TMEM132B: variants seen among roughly 807,000 people sequenced by gnomAD.
The protein encoded by TMEM132B is transmembrane protein 132B.
In TMEM132B, 18 loss-of-function variants were observed where a neutral mutation model predicts 90.8. That is an observed-to-expected ratio of 0.20 (90% CI 0.14 to 0.29). TMEM132B has a LOEUF of 0.29. Among genes scored for constraint, TMEM132B ranks in the 10% least tolerant of loss-of-function variants. The probability of loss-of-function intolerance (pLI) is 1.00; values close to 1 mark genes in which losing one functional copy is unlikely to be tolerated. For missense variants in TMEM132B, 1,096 were observed against 1,326.8 expected, an observed-to-expected ratio of 0.83 and a Z score of 2.70; for synonymous variants, 504 against 523.3, an observed-to-expected ratio of 0.96 and a Z score of 0.50.
chr12:125,206,232 TTTTG>T (rs892323225), intron 1 of TMEM132B, among the ~76,000 whole-genome samples: 6 of 151,998 alleles, frequency 3.9e-5, no homozygotes, highest in East Asian at 1.9e-4. Context: ...GCCTATGATT[TTTTG>T]TTTGTTTGTT....
chr12:125,338,713 G>A lies in TMEM132B; in HGVS notation c.68-10739G>A, dbSNP rs115656898. Among the ~76,000 whole-genome samples, 774 of 152,238 alleles carry A rather than the reference G, an allele frequency of 5.1e-3. 5 individuals are homozygous for A. Among genetic ancestry groups the A allele is most frequent in the African/African-American group, 0.017 (715 of 41,552 alleles). ...GGTCTGAGGTTTCCTCTGCTGTCCT[G>A]CCCATCAGCACACTTTTATCCGCTT... On this transcript the variant is annotated intron_variant, in intron 1 of 8. Coordinates refer to ENST00000682704, the MANE Select transcript of TMEM132B (RefSeq NM_001366854.1).
At chr12:125,375,467 A>G (rs1878446488) in intron 2 of TMEM132B, among the ~76,000 whole-genome samples, 1 of 152,246 alleles carries the variant, frequency 6.6e-6, no homozygotes. Context: ...ATGTATAGCT[A>G]GTCATGGAGT....
At chr12:125,298,972 A>G (rs1875743254) in intron 1 of TMEM132B, among the ~76,000 whole-genome samples, 1 of 151,922 alleles carries the variant, frequency 6.6e-6, no homozygotes, top group South Asian at 2.1e-4. Context: ...TGACCTCGTG[A>G]TCTGCCTGCC....
chr12:125,551,213 A>G (rs557879421), intron 4 of TMEM132B, among the ~76,000 whole-genome samples: 13 of 152,330 alleles, frequency 8.5e-5, no homozygotes, highest in South Asian at 2.1e-4. Flanking sequence ...TATATTTTTC[A>G]TACTTAATTC....
chr12:125,372,316 G>A (rs1301341319), intron 2 of TMEM132B, among the ~76,000 whole-genome samples: 2 of 152,246 alleles, frequency 1.3e-5, no homozygotes, highest in Non-Finnish European at 2.9e-5. Flanking sequence ...TATCCCTTGA[G>A]TGGAATTAAA....
At chr12:125,335,241 A>G (rs1446265979) in intron 1 of TMEM132B, among the ~76,000 whole-genome samples, 2 of 152,182 alleles carry the variant, frequency 1.3e-5, no homozygotes, top group Non-Finnish European at 2.9e-5. Context: ...GCAGGAAGAA[A>G]TCAGTACTGA....
chr12:125,213,072 G>A lies in TMEM132B; in HGVS notation c.67+26206G>A, dbSNP rs1436905392. The stretch of plus-strand genomic sequence containing the variant: ...AAATGGAAGTCCCGTACCCACTAGC[G>A]GTCACTCCCTACTGCCTTCAACCCC... On this transcript the variant is annotated intron_variant, in intron 1 of 8. Coordinates refer to ENST00000682704, the MANE Select transcript of TMEM132B (RefSeq NM_001366854.1). The surrounding 1 kb of genome is among the most constrained non-coding windows in gnomAD (Gnocchi z 4.2). Among the ~76,000 whole-genome samples, 5 of 152,068 alleles carry A rather than the reference G, an allele frequency of 3.3e-5. No homozygotes were observed. Among genetic ancestry groups the A allele is most frequent in the African/African-American group, 4.8e-5 (2 of 41,388 alleles).
rs747940442 is a variant in TMEM132B at position 125,654,098 on chromosome 12, A to C, written c.2640A>C (p.Gln880His). The C allele has an allele frequency of 6.2e-7, 1 of 1,614,166 alleles. No individual in the cohort carries two copies. Among genetic ancestry groups the C allele is most frequent in the Admixed American group, 1.7e-5 (1 of 60,018 alleles). The change falls in exon 9 of 9, where the codon CAA becomes CAC. Residue 880 changes from glutamine to histidine, a missense_variant. Physicochemically the swap from Gln to His is conservative, Grantham distance 24 (BLOSUM62 0). Coordinates refer to ENST00000682704, the MANE Select transcript of TMEM132B (RefSeq NM_001366854.1). This position sits in a 1 kb window ranked among gnomAD's most constrained non-coding sequence, Gnocchi z 5.8. ...ATGCCTTTACAAGCTTCCCCACTCA[A>C]GGGAAGTCACCGGACCCCAATAATC... Reference protein sequence around the residue: ...GPDAFTSFPTQGKSPDPNNPS... With the variant: ...GPDAFTSFPTHGKSPDPNNPS...
intron 1 of TMEM132B, among the ~76,000 whole-genome samples, chr12:125,348,980 G>A (rs918948271): frequency 2.6e-5 from 4 of 152,210 alleles, no homozygotes; most frequent in African/African-American, 7.2e-5. Context: ...TAGTAGAGAT[G>A]TCATCATGTC....
chr12:125,445,171 A>C lies in TMEM132B; in HGVS notation c.1106+29494A>C, dbSNP rs564911631. Among the ~76,000 whole-genome samples the C allele has an allele frequency of 1.3e-5, 2 of 152,218 alleles. No homozygotes were observed. Among genetic ancestry groups the C allele is most frequent in the Non-Finnish European group, 2.9e-5 (2 of 68,018 alleles). On this transcript the variant is annotated intron_variant, in intron 3 of 8. Transcript: ENST00000682704. This position sits in a 1 kb window ranked among gnomAD's most constrained non-coding sequence, Gnocchi z 4.3. ...TTTTCCTCTCCAATGGAAAAAAAAA[A>C]CTTTTCAGATATTTATTAATCATTT... is the stretch of plus-strand genomic sequence containing the variant.
chr12:125,518,624 A>G (rs1030527074), intron 3 of TMEM132B, among the ~76,000 whole-genome samples: 1 of 152,222 alleles, frequency 6.6e-6, no homozygotes, highest in Non-Finnish European at 1.5e-5. Flanking sequence ...TGTCAATGCG[A>G]TAGCCTGCAA....
At position 125,196,788 on chromosome 12, in the gene TMEM132B, TAGTA is replaced by T. The variant is rs374759464; in HGVS notation, c.67+9926_67+9929del. Among the ~76,000 whole-genome samples the T allele has an allele frequency of 3.8e-4, 58 of 152,268 alleles. 1 individual carries two copies. In the South Asian group the frequency reaches 1.0e-2, roughly 26 times the overall value. On this transcript the variant is annotated intron_variant, in intron 1 of 8. Coordinates refer to ENST00000682704, the MANE Select transcript of TMEM132B (RefSeq NM_001366854.1). ...TAGTTGTGGAATGTTTACTGGCACA[TAGTA>T]AGTGCTCAGTAAAGAGTGGCAATGA... is the stretch of plus-strand genomic sequence containing the variant.
intron 1 of TMEM132B, among the ~76,000 whole-genome samples, chr12:125,348,110 C>T (rs1323382980): frequency 6.7e-6 from 1 of 149,144 alleles, no homozygotes; most frequent in African/African-American, 2.5e-5. Context: ...GTTTTTTTTA[C>T]ACTTTATTTG....
rs1881358668 is a variant in TMEM132B, at chr12:125,458,650, C to G, written c.1106+42973C>G. The stretch of plus-strand genomic sequence containing the variant: ...GGAAATGAGACTCACATCCATGCGG[C>G]CAGCGTCCGTGTCCCCTGCCTCTGA... On this transcript the variant is annotated intron_variant, in intron 3 of 8. Coordinates refer to ENST00000682704, the MANE Select transcript of TMEM132B (RefSeq NM_001366854.1). The surrounding 1 kb of genome is among the most constrained non-coding windows in gnomAD (Gnocchi z 4.9). 6.6e-6 allele frequency among the ~76,000 whole-genome samples: 1 copy of G among 152,158 alleles called. No homozygotes were observed. Among genetic ancestry groups the G allele is most frequent in the Non-Finnish European group, 1.5e-5 (1 of 68,014 alleles).
intron 4 of TMEM132B, among the ~76,000 whole-genome samples, chr12:125,527,693 C>A (rs1021759780): frequency 1.1e-4 from 16 of 150,332 alleles, no homozygotes; most frequent in Admixed American, 3.3e-4. Context: ...TCCAACCACC[C>A]AGCCACCCTT....
chr12:125,366,775 C>T (rs1023149916), intron 2 of TMEM132B, among the ~76,000 whole-genome samples: 2 of 152,140 alleles, frequency 1.3e-5, no homozygotes, highest in African/African-American at 2.4e-5. Flanking sequence ...TTCCTTACTC[C>T]TCTGCATCTG....
At chr12:125,559,788 A>G (rs1330312867) in intron 4 of TMEM132B, among the ~76,000 whole-genome samples, 1 of 152,116 alleles carries the variant, frequency 6.6e-6, no homozygotes, top group Admixed American at 6.5e-5. Context: ...CATGTGCAGG[A>G]AGGCTGGCTT....
intron 2 of TMEM132B, among the ~76,000 whole-genome samples, chr12:125,380,595 T>C (rs1264757234): frequency 1.3e-5 from 2 of 152,234 alleles, no homozygotes; most frequent in African/African-American, 4.8e-5. Flanking sequence ...GATTGGAGCA[T>C]GGCATATGTT....
chr12:125,585,509 A>T (rs910764929), intron 5 of TMEM132B: 1 of 152,192 alleles, frequency 6.6e-6, no homozygotes, highest in Non-Finnish European at 1.5e-5. Flanking sequence ...AAGAGATGGT[A>T]TCTGTATGCT....
Sources: gnomAD v4.1 joint callset for allele counts (sites outside exome capture counted in the v4.1 genomes callset) on GRCh38, gnomAD v4.1.1 for gene constraint, Gnocchi (gnomAD v3.1) non-coding constraint, MANE v1.5 for transcripts, NCBI Gene and HGNC (gene_info 2026-07-23, HGNC 2026-07-21) for gene names.